DNAH6: variants seen among roughly 807,000 people sequenced by gnomAD.
DNAH6 encodes dynein axonemal heavy chain 6, also known as axonemal beta dynein heavy chain 6.
DNAH6 carries 340 observed loss-of-function variants against 491.4 expected under a neutral mutation model. That is an observed-to-expected ratio of 0.69 (90% confidence interval 0.63 to 0.76). DNAH6 has a LOEUF of 0.76. Among genes scored for constraint, DNAH6 ranks in the 30% least tolerant of loss-of-function variants. The pLI is 0.00. For synonymous variants in DNAH6, 1,603 were observed against 1,686.1 expected (o/e 0.95, Z 1.21); for missense variants, 4,443 against 4,972.2 (o/e 0.89, Z 3.20).
chr2:84,756,272 A>G (rs1241028027), intron 63 of DNAH6, among the ~76,000 whole-genome samples: 1 of 152,220 alleles, frequency 6.6e-6, no homozygotes, highest in African/African-American at 2.4e-5. Context: ...GAAGACTAAT[A>G]TTGAACTTGA....
intron 18 of DNAH6, among the ~76,000 whole-genome samples, chr2:84,599,191 TGA>T (rs1684982109): frequency 6.6e-6 from 1 of 152,136 alleles, no homozygotes. Flanking sequence ...TGGTTATAAT[TGA>T]GTTTTAAGAG....
intron 62 of DNAH6, among the ~76,000 whole-genome samples, chr2:84,744,012 C>CTAA (rs1478602035): frequency 3.3e-5 from 5 of 152,118 alleles, no homozygotes; most frequent in African/African-American, 1.2e-4. Flanking sequence ...ACACCTTTAA[C>CTAA]TAAAGAGTAT....
At chr2:84,649,324 A>G (rs1046532628) in intron 33 of DNAH6, among the ~76,000 whole-genome samples, 6 of 152,258 alleles carry the variant, frequency 3.9e-5, no homozygotes, top group Admixed American at 1.3e-4. Flanking sequence ...TTCACAATGA[A>G]TGGTAATACG....
In DNAH6 at chr2:84,624,334, T is replaced by C. The variant is rs1429026752; in HGVS notation, c.4141T>C (p.Leu1381=). The C allele has an allele frequency of 1.9e-6, 3 of 1,551,254 alleles. No individual in the cohort carries two copies. The highest frequency in any genetic ancestry group is 2.6e-6 in the Non-Finnish European group (3 of 1,146,778). ...PKLHRNILTA[L]ITIDVHARDI... ...ATTACACAGAAACATCCTAACTGCA[T>C]TGATTACTATTGATGTGCATGCAAG... Residue 1381 remains leucine (L), a synonymous_variant, in exon 27 of 77, where the codon TTG becomes CTG. Transcript: ENST00000389394.
intron 4 of DNAH6, among the ~76,000 whole-genome samples, chr2:84,542,757 C>G (rs889894153): frequency 1.2e-4 from 18 of 151,960 alleles, no homozygotes; most frequent in African/African-American, 4.1e-4. Flanking sequence ...TTTAACAGAC[C>G]CAAAACATAG....
intron 18 of DNAH6, among the ~76,000 whole-genome samples, chr2:84,599,078 G>A (rs1429628902): frequency 6.7e-6 from 1 of 148,968 alleles, no homozygotes; most frequent in Non-Finnish European, 1.5e-5. Flanking sequence ...TCTAAATACT[G>A]ATAATGTTGA....
At chr2:84,525,524 G>A (rs376858667) in intron 2 of DNAH6, 41 bp from the exon 3 acceptor site, 304 of 1,505,818 alleles carry the variant, frequency 2.0e-4, no homozygotes, top group Middle Eastern at 8.6e-4. Context: ...AAGTTTATAC[G>A]AATGTTAATA....
upstream of DNAH6, among the ~76,000 whole-genome samples, chr2:84,515,497 A>G (rs1675529947): frequency 6.6e-6 from 1 of 152,244 alleles, no homozygotes; most frequent in Non-Finnish European, 1.5e-5. Flanking sequence ...TACCATATCA[A>G]ATACATAACT....
Position 84,818,005 on chromosome 2 carries a change from G to A in DNAH6, c.12374-1300G>A, listed in dbSNP as rs79392580. ...GGATCAAATTTCAACATGAGATTTG[G>A]AGGGATCAAACATCCAAACTATAGA... On this transcript the variant is annotated intron_variant, in intron 76 of 76. Coordinates refer to ENST00000389394, the MANE Select transcript of DNAH6 (RefSeq NM_001370.2). Among the ~76,000 whole-genome samples the A allele has an allele frequency of 7.2e-5, 11 of 152,252 alleles. No individual in the cohort carries two copies. In the East Asian group the frequency reaches 1.9e-3, roughly 27 times the overall value.
At chr2:84,818,139 T>C (rs1011654267) in intron 76 of DNAH6, among the ~76,000 whole-genome samples, 3 of 152,128 alleles carry the variant, frequency 2.0e-5, no homozygotes, top group African/African-American at 7.2e-5. Context: ...CAAAAGAAAC[T>C]CTTTTTCAGC....
intron 2 of DNAH6, among the ~76,000 whole-genome samples, chr2:84,521,257 C>T (rs1389361418): frequency 6.6e-6 from 1 of 151,812 alleles, no homozygotes; most frequent in Non-Finnish European, 1.5e-5. Context: ...TGCTTGTTCG[C>T]TATGTCTATG....
chr2:84,550,529 A>G (rs1679233594), intron 9 of DNAH6, among the ~76,000 whole-genome samples: 1 of 152,172 alleles, frequency 6.6e-6, no homozygotes. Context: ...AAAGCCTACA[A>G]TACACATGAA....
intron 73 of DNAH6, 129 bp downstream of exon 73, chr2:84,812,655 TC>T: frequency 1.3e-6 from 1 of 797,172 alleles, no homozygotes; most frequent in Non-Finnish European, 2.0e-6. Flanking sequence ...AAAAGAGATG[TC>T]CAGAATGGCA....
At chr2:84,574,957 G>A (rs1682276751) in intron 12 of DNAH6, among the ~76,000 whole-genome samples, 1 of 152,152 alleles carries the variant, frequency 6.6e-6, no homozygotes, top group Non-Finnish European at 1.5e-5. Context: ...TCTTCAGCTA[G>A]TCCTATCTTG....
chr2:84,780,658 T>C (rs1676597438), intron 64 of DNAH6, among the ~76,000 whole-genome samples: 1 of 152,218 alleles, frequency 6.6e-6, no homozygotes, highest in African/African-American at 2.4e-5. Context: ...TTAGATACAT[T>C]GCAATCTTTT....
At position 84,637,214 on chromosome 2, in the gene DNAH6, C is replaced by G. The variant is rs1688966444; in HGVS notation, c.4658C>G (p.Ser1553Cys). 1 of 1,543,594 alleles carries G rather than the reference C, an allele frequency of 6.5e-7. No individual in the cohort carries two copies. Residue 1553 changes from serine to cysteine, a missense_variant, in exon 31 of 77, where the codon TCT becomes TGT. Around this residue, in one of 3 missense-constraint regions of DNAH6, gnomAD observed 2,977 missense variants for 3,296.6 expected, o/e 0.90. Coordinates refer to ENST00000389394, the MANE Select transcript of DNAH6 (RefSeq NM_001370.2). ...TTATATTTTATCTTCGAACAGCTCT[C>G]TAGATTCATGTTTGAGGGGCGGGAA... ...TIRNAKAAKL[S>C]RFMFEGREIK... is the part of the protein sequence containing the mutation.
At chr2:84,695,316 C>T (rs1339391894) in intron 46 of DNAH6, among the ~76,000 whole-genome samples, 1 of 152,026 alleles carries the variant, frequency 6.6e-6, no homozygotes, top group East Asian at 1.9e-4. Context: ...ATGCGAGTGA[C>T]TTGGCCTTGC....
At chr2:84,749,729 T>C (rs1673288111) in intron 63 of DNAH6, among the ~76,000 whole-genome samples, 1 of 152,126 alleles carries the variant, frequency 6.6e-6, no homozygotes, top group African/African-American at 2.4e-5. Context: ...ATATGGACAA[T>C]AGCTACCAGG....
intron 5 of DNAH6, among the ~76,000 whole-genome samples, chr2:84,546,408 G>A (rs1379951715): frequency 1.3e-5 from 2 of 152,080 alleles, no homozygotes; most frequent in Non-Finnish European, 2.9e-5. Flanking sequence ...GACCCAAAAA[G>A]TCTATTCATC....
Sources: gnomAD v4.1 joint callset for allele counts (sites outside exome capture counted in the v4.1 genomes callset) on GRCh38, gnomAD v4.1.1 for gene constraint, gnomAD v4.1.1 regional missense constraint, MANE v1.5 for transcripts, NCBI Gene and HGNC (gene_info 2026-07-23, HGNC 2026-07-21) for gene names.